The following PAK6 variants were observed in gnomAD, a reference collection of about 807,000 sequenced individuals.
The protein encoded by PAK6 is serine/threonine-protein kinase PAK 6.
A neutral mutation model predicts 60.8 loss-of-function variants in PAK6; 33 were observed. The observed-to-expected ratio is 0.54, with a 90% CI of 0.41 to 0.73. PAK6 has a LOEUF of 0.73. Among genes scored for constraint, PAK6 ranks in the 30% least tolerant of loss-of-function variants. PAK6 has a pLI of 0.00. For synonymous variants in PAK6, 404 were observed against 378.5 expected (o/e 1.07, Z -0.78); for missense variants, 845 against 904.1 (o/e 0.93, Z 0.84).
chr15:40,252,774 C>A (rs1372529692), intron 2 of PAK6: 2 of 1,301,044 alleles, frequency 1.5e-6, no homozygotes, highest in Admixed American at 2.3e-5. Flanking sequence ...GGTGCCCATG[C>A]CCCGAAGTTC....
At chr15:40,276,176 T>C in exon 11 of PAK6, 1 of 1,266,324 alleles carries the variant, frequency 7.9e-7, no homozygotes, top group Middle Eastern at 2.0e-4. Context: ...CTTGCCTGCC[T>C]CCTCCTCTCA....
intron 10 of PAK6, among the ~76,000 whole-genome samples, chr15:40,275,024 T>A (rs971438828): frequency 6.6e-6 from 1 of 152,114 alleles, no homozygotes; most frequent in Non-Finnish European, 1.5e-5. Context: ...AGACAACTGG[T>A]CCTTGGAGCC....
intron 2 of PAK6, among the ~76,000 whole-genome samples, chr15:40,242,042 GGCGGA>G (rs71868815): frequency 0.31 from 47,803 of 151,794 alleles, 9,575 homozygotes; most frequent in Non-Finnish European, 0.45. Context: ...GGGTCAGAGG[GGCGGA>G]GGCTGTCGAG....
chr15:40,249,340 T>C (rs2038594978), intron 2 of PAK6, among the ~76,000 whole-genome samples: 1 of 152,204 alleles, frequency 6.6e-6, no homozygotes, highest in Non-Finnish European at 1.5e-5. Flanking sequence ...ATTCAGTCTA[T>C]AGCAGTAATT....
At chr15:40,249,899 C>A (rs1311583128) in intron 2 of PAK6, among the ~76,000 whole-genome samples, 2 of 152,232 alleles carry the variant, frequency 1.3e-5, no homozygotes, top group African/African-American at 4.8e-5. Context: ...GAGCCATGTC[C>A]CCCTGTGAAA....
exon 5 of PAK6, chr15:40,266,224 G>A (rs200417617): frequency 2.5e-6 from 4 of 1,610,098 alleles, no homozygotes; most frequent in East Asian, 4.5e-5. Flanking sequence ...CTGCAGCTGG[G>A]TGCCTGCCTG....
intron 2 of PAK6, chr15:40,246,867 G>A (rs1249293375): frequency 6.6e-6 from 1 of 152,336 alleles, no homozygotes; most frequent in African/African-American, 2.4e-5. Flanking sequence ...GAGGTCCACA[G>A]ACTCTGAGGC....
At chr15:40,272,756 T>G in intron 6 of PAK6, 35 bp downstream of exon 6, 2 of 1,577,784 alleles carry the variant, frequency 1.3e-6, no homozygotes, top group Non-Finnish European at 1.7e-6. Flanking sequence ...ACGGGGGCGT[T>G]GGGGATGGGC....
At chr15:40,272,190 A>C (rs2039323517) in intron 5 of PAK6, 34 bp from the exon 6 acceptor site, 1 of 1,574,288 alleles carries the variant, frequency 6.4e-7, no homozygotes, top group African/African-American at 1.4e-5. Flanking sequence ...ATGCTCCCAC[A>C]GCCCTGACCC....
At chr15:40,265,937 G>A in exon 5 of PAK6, 1 of 1,606,602 alleles carries the variant, frequency 6.2e-7, no homozygotes, top group Non-Finnish European at 8.5e-7. Context: ...CCAACACCCT[G>A]CGTGGCCGCA....
chr15:40,242,233 T>A (rs950611625), intron 2 of PAK6, among the ~76,000 whole-genome samples: 2 of 152,160 alleles, frequency 1.3e-5, no homozygotes, highest in Non-Finnish European at 2.9e-5. Flanking sequence ...GGAGAGGCCC[T>A]CTGCGTAGGT....
rs1396428108 is a variant in PAK6, at chr15:40,274,266, A to G, written c.1868A>G (p.Asn623Ser). The stretch of plus-strand genomic sequence containing the variant: ...GACAGCCCCCCACCCAAGCTGAAAA[A>G]CTCTCACAAGGTCAGTTGGCACACA... Residue 623 changes from asparagine (N) to serine (S), a missense_variant, in exon 10 of 11, where the codon AAC becomes AGC. Asn to Ser is a conservative substitution (Grantham distance 46). Coordinates refer to ENST00000560346, the Ensembl canonical transcript of PAK6. The G allele has an allele frequency of 1.9e-6, 3 of 1,603,998 alleles. No homozygotes were observed. Among genetic ancestry groups the G allele is most frequent in the East Asian group, 4.5e-5 (2 of 44,452 alleles).
At chr15:40,263,923 A>T (rs889260154) in intron 3 of PAK6, 1 of 456,002 alleles carries the variant, frequency 2.2e-6, no homozygotes, top group Non-Finnish European at 4.4e-6. Context: ...GGCCCAGGTG[A>T]TGTTTTACAT....
At chr15:40,264,529 G>C (rs1484819407) in intron 3 of PAK6, 1 of 595,496 alleles carries the variant, frequency 1.7e-6, no homozygotes, top group Admixed American at 2.4e-5. Flanking sequence ...CTTGGCACAG[G>C]CAAGAAGACA....
chr15:40,273,344 A>G lies in PAK6; in HGVS notation c.1491-2A>G. 1 of 1,613,382 alleles carries G rather than the reference A, an allele frequency of 6.2e-7. No individual in the cohort carries two copies. Among genetic ancestry groups the G allele is most frequent in the South Asian group, 1.1e-5 (1 of 91,028 alleles). The stretch of plus-strand genomic sequence containing the variant: ...ATCGGGTGGCCCCACCTTCCTGTCC[A>G]GGCTGAATGAGGAGCAGATTGCCAC... On this transcript the variant is annotated splice_acceptor_variant, in intron 7 of 10. Transcript: ENST00000560346. LOFTEE classifies it high-confidence loss of function.
intron 3 of PAK6, among the ~76,000 whole-genome samples, chr15:40,254,455 C>T (rs1057122992): frequency 2.6e-5 from 4 of 152,158 alleles, no homozygotes; most frequent in Non-Finnish European, 5.9e-5. Context: ...CTCGTGGTGA[C>T]CCAGGGAAGG....
At chr15:40,240,122 C>G (rs2038278063) in intron 1 of PAK6, 1 of 154,246 alleles carries the variant, frequency 6.5e-6, no homozygotes, top group Non-Finnish European at 1.4e-5. Context: ...AGGGGCTGGC[C>G]AGGGTGAGAG....
At chr15:40,268,478 C>T (rs1286851699) in intron 5 of PAK6, among the ~76,000 whole-genome samples, 1 of 152,218 alleles carries the variant, frequency 6.6e-6, no homozygotes, top group Non-Finnish European at 1.5e-5. Flanking sequence ...AGATGGGGAG[C>T]ATCAGCCTTC....
intron 2 of PAK6, among the ~76,000 whole-genome samples, chr15:40,247,601 C>T (rs2038529145): frequency 1.3e-5 from 2 of 152,126 alleles, no homozygotes; most frequent in Non-Finnish European, 2.9e-5. Context: ...AAGCCTAGTA[C>T]AGATGCAGAA....
Sources: allele counts gnomAD v4.1 joint callset (sites outside exome capture counted in the v4.1 genomes callset), GRCh38; gene constraint gnomAD v4.1.1; transcripts MANE v1.5; gene names NCBI Gene and HGNC (gene_info 2026-07-23, HGNC 2026-07-21).